EHBP1: variants seen among roughly 807,000 people sequenced by gnomAD.
EHBP1 encodes the protein EH domain-binding protein 1.
EHBP1 carries 55 observed loss-of-function variants against 144.0 expected under a neutral mutation model. The observed-to-expected ratio is 0.38, with a 90% CI of 0.31 to 0.48. EHBP1 has a LOEUF of 0.48. Among genes scored for constraint, EHBP1 ranks in the 20% least tolerant of loss-of-function variants. The pLI, the probability that EHBP1 is intolerant of heterozygous loss-of-function variation, is 0.98. For missense variants in EHBP1, 1,200 were observed against 1,364.2 expected (o/e 0.88, Z 1.90); for synonymous variants, 469 against 472.7 (o/e 0.99, Z 0.10).
chr2:62,748,337 A>G (rs1573101754), intron 3 of EHBP1, among the ~76,000 whole-genome samples: 1 of 152,098 alleles, frequency 6.6e-6, no homozygotes, highest in South Asian at 2.1e-4. Context: ...ATAATATTCA[A>G]TAACAGTTCT....
chr2:62,684,460 GA>G (rs2151735125), intron 1 of EHBP1, among the ~76,000 whole-genome samples: 2 of 152,286 alleles, frequency 1.3e-5, no homozygotes, highest in South Asian at 4.1e-4. Flanking sequence ...TCAAGGAAGG[GA>G]AAAAGCCAAA....
intron 19 of EHBP1, among the ~76,000 whole-genome samples, chr2:63,004,399 A>G (rs2553042): frequency 0.84 from 128,316 of 152,022 alleles, 54,470 homozygotes; most frequent in African/African-American, 0.92. Context: ...AAGATAGGGC[A>G]TATGGGAAGG....
intron 19 of EHBP1, among the ~76,000 whole-genome samples, chr2:63,015,288 A>G (rs188368095): frequency 2.0e-5 from 3 of 152,334 alleles, no homozygotes; most frequent in Non-Finnish European, 2.9e-5. Context: ...TCCTGTGTTA[A>G]TGGGAGTAAC....
intron 10 of EHBP1, among the ~76,000 whole-genome samples, chr2:62,883,098 T>G (rs1238863404): frequency 6.6e-6 from 1 of 152,144 alleles, no homozygotes; most frequent in Admixed American, 6.5e-5. Context: ...AACTGAACCT[T>G]GGATAAGTAA....
intron 13 of EHBP1, among the ~76,000 whole-genome samples, chr2:62,951,606 C>T (rs1197039926): frequency 6.8e-6 from 1 of 147,872 alleles, no homozygotes; most frequent in Non-Finnish European, 1.5e-5. Flanking sequence ...CTCACTGCAA[C>T]CTTCTCCTCC....
chr2:63,018,952 G>A (rs2060591138), intron 19 of EHBP1, among the ~76,000 whole-genome samples: 1 of 152,152 alleles, frequency 6.6e-6, no homozygotes, highest in African/African-American at 2.4e-5. Flanking sequence ...GCAGCAACGT[G>A]TTTTTCTTCT....
intron 14 of EHBP1, among the ~76,000 whole-genome samples, chr2:62,960,586 C>G (rs1443558930): frequency 2.0e-5 from 3 of 152,084 alleles, no homozygotes; most frequent in Non-Finnish European, 4.4e-5. Context: ...GACCTTGTAT[C>G]CCCAGCACCA....
At chr2:62,735,006 T>C (rs910730318) in intron 2 of EHBP1, among the ~76,000 whole-genome samples, 1 of 152,134 alleles carries the variant, frequency 6.6e-6, no homozygotes, top group South Asian at 2.1e-4. Flanking sequence ...GCTCAAGCAG[T>C]CGTCCCACCT....
At chr2:62,913,389 C>A (rs997604398) in intron 10 of EHBP1, among the ~76,000 whole-genome samples, 5 of 152,092 alleles carry the variant, frequency 3.3e-5, no homozygotes, top group African/African-American at 1.2e-4. Flanking sequence ...AACAAAAATT[C>A]TTTGGAGTTA....
chr2:62,995,829 TTAAAGG>T lies in EHBP1; in HGVS notation c.2980-809_2980-804del, dbSNP rs2059607304. On this transcript the variant is annotated intron_variant, in intron 18 of 22. Coordinates refer to ENST00000431489, the MANE Select transcript of EHBP1 (RefSeq NM_001142616.3). ...TAAATTTGTAATATGATTGTAAAAA[TTAAAGG>T]TAAACTGGCACACATATATAAAAAA... Among the ~76,000 whole-genome samples, 4 of 152,060 alleles carry T rather than the reference TTAAAGG, an allele frequency of 2.6e-5. No homozygotes were observed. The South Asian group carries it at 6.2e-4, about 24-fold the overall frequency.
chr2:62,825,922 G>A (rs1169314720), intron 5 of EHBP1, 165 bp from the exon 6 acceptor site: 3 of 475,908 alleles, frequency 6.3e-6, no homozygotes, highest in African/African-American at 2.0e-5. Context: ...TGTAACAACT[G>A]TGATACAACT....
At chr2:62,687,472 A>G (rs1210369025) in intron 1 of EHBP1, among the ~76,000 whole-genome samples, 1 of 152,220 alleles carries the variant, frequency 6.6e-6, no homozygotes, top group Admixed American at 6.5e-5. Context: ...TTCCCAGATA[A>G]TCTATAGGTG....
intron 7 of EHBP1, among the ~76,000 whole-genome samples, chr2:62,850,851 A>G (rs2048645922): frequency 6.6e-6 from 1 of 152,182 alleles, no homozygotes; most frequent in African/African-American, 2.4e-5. Flanking sequence ...GAAACAGACA[A>G]GTACTTTTTT....
chr2:62,812,507 C>T (rs1045970422), intron 5 of EHBP1, among the ~76,000 whole-genome samples: 1 of 152,092 alleles, frequency 6.6e-6, no homozygotes. Context: ...GAGAGCCTAG[C>T]TCTTTTTAGA....
At chr2:62,845,882 A>T (rs955245764) in intron 7 of EHBP1, among the ~76,000 whole-genome samples, 1 of 152,154 alleles carries the variant, frequency 6.6e-6, no homozygotes, top group Non-Finnish European at 1.5e-5. Context: ...TGCCTCTGTT[A>T]TGTAGTCACT....
At chr2:62,710,319 A>G (rs2035022492) in intron 2 of EHBP1, among the ~76,000 whole-genome samples, 1 of 151,984 alleles carries the variant, frequency 6.6e-6, no homozygotes, top group Non-Finnish European at 1.5e-5. Context: ...TTATGTATGA[A>G]TACGTATTAT....
chr2:62,984,267 T>A (rs113770836), intron 15 of EHBP1, among the ~76,000 whole-genome samples: 91 of 152,346 alleles, frequency 6.0e-4, no homozygotes, highest in African/African-American at 2.0e-3. Context: ...TCATTCAATT[T>A]ATCTATAAAT....
intron 10 of EHBP1, among the ~76,000 whole-genome samples, chr2:62,941,370 G>A (rs1010019132): frequency 3.3e-5 from 5 of 151,994 alleles, no homozygotes; most frequent in Non-Finnish European, 7.4e-5. Context: ...ATATTAAGTC[G>A]AATTGATCCA....
intron 10 of EHBP1, among the ~76,000 whole-genome samples, chr2:62,930,748 G>A (rs1344207819): frequency 2.0e-5 from 3 of 152,142 alleles, no homozygotes; most frequent in Non-Finnish European, 4.4e-5. Flanking sequence ...TTTTCAACAA[G>A]AGAGTCAGGA....
Sources: allele counts gnomAD v4.1 joint callset (sites outside exome capture counted in the v4.1 genomes callset), GRCh38; gene constraint gnomAD v4.1.1; transcripts MANE v1.5; gene names NCBI Gene and HGNC (gene_info 2026-07-23, HGNC 2026-07-21).